Variants in PRKN observed in about 807,000 individuals in gnomAD.
PRKN encodes parkin RBR E3 ubiquitin protein ligase, also known as E3 ubiquitin-protein ligase parkin.
Under a neutral mutation model 59.5 loss-of-function variants are expected in PRKN, and 56 were observed. The observed-to-expected ratio is 0.94, with a 90% CI of 0.76 to 1.18. The LOEUF (loss-of-function observed/expected upper bound fraction) is 1.18. Ranked by LOEUF, PRKN falls within the 50% of genes most tolerant of loss-of-function variation. PRKN has a pLI of 0.00. For missense variants in PRKN, 657 were observed against 596.4 expected, an observed-to-expected ratio of 1.10 and a Z score of -1.06; for synonymous variants, 250 against 222.1, an observed-to-expected ratio of 1.13 and a Z score of -1.12.
At chr6:161,687,124 T>C (rs1372924122) in intron 7 of PRKN, among the ~76,000 whole-genome samples, 1 of 152,076 alleles carries the variant, frequency 6.6e-6, no homozygotes, top group Non-Finnish European at 1.5e-5. Flanking sequence ...CGGTGGCTCA[T>C]GCCTGTAATC....
At chr6:162,530,395 G>A (rs1051268042) in intron 1 of PRKN, among the ~76,000 whole-genome samples, 3 of 152,112 alleles carry the variant, frequency 2.0e-5, no homozygotes, top group Non-Finnish European at 2.9e-5. Context: ...AGAAGTCAAA[G>A]CCACATTGAA....
chr6:162,560,215 A>T (rs1406316138), intron 1 of PRKN, among the ~76,000 whole-genome samples: 1 of 152,218 alleles, frequency 6.6e-6, no homozygotes, highest in African/African-American at 2.4e-5. Context: ...AACTATTTGC[A>T]TATAAGTGCA....
intron 6 of PRKN, among the ~76,000 whole-genome samples, chr6:161,839,917 G>A (rs1184629643): frequency 6.6e-6 from 1 of 152,222 alleles, no homozygotes; most frequent in Non-Finnish European, 1.5e-5. Flanking sequence ...AATATTTCAA[G>A]CTCTGGCATC....
At chr6:161,936,949 C>A (rs1779382111) in intron 6 of PRKN, among the ~76,000 whole-genome samples, 1 of 152,020 alleles carries the variant, frequency 6.6e-6, no homozygotes, top group Admixed American at 6.6e-5. Flanking sequence ...TCATGCCCAG[C>A]TAATTTTTGT....
intron 5 of PRKN, among the ~76,000 whole-genome samples, chr6:161,991,032 T>A (rs1419388319): frequency 6.6e-6 from 1 of 151,946 alleles, no homozygotes; most frequent in Non-Finnish European, 1.5e-5. Flanking sequence ...TATAAAGCTA[T>A]CCCCATCAGA....
At chr6:162,090,459 C>A (rs1779440065) in intron 4 of PRKN, among the ~76,000 whole-genome samples, 1 of 152,158 alleles carries the variant, frequency 6.6e-6, no homozygotes, top group South Asian at 2.1e-4. Context: ...AATAACATTA[C>A]TGAAGAGGTC....
intron 2 of PRKN, among the ~76,000 whole-genome samples, chr6:162,290,004 A>G (rs1287143856): frequency 6.6e-6 from 1 of 152,198 alleles, no homozygotes; most frequent in Non-Finnish European, 1.5e-5. Context: ...CTTGTGAGAA[A>G]GTTGAAAAAT....
intron 6 of PRKN, among the ~76,000 whole-genome samples, chr6:161,909,805 T>C (rs190518502): frequency 8.9e-4 from 135 of 152,308 alleles, no homozygotes; most frequent in Admixed American, 1.7e-3. Flanking sequence ...GATAAGTGAA[T>C]GAATGGATGA....
intron 7 of PRKN, among the ~76,000 whole-genome samples, chr6:161,632,322 A>C (rs577286589): frequency 1.3e-5 from 2 of 152,274 alleles, no homozygotes; most frequent in African/African-American, 2.4e-5. Context: ...GAGAAAAAAA[A>C]CCCCATAAAT....
intron 4 of PRKN, among the ~76,000 whole-genome samples, chr6:162,164,527 T>C (rs999209607): frequency 6.7e-6 from 1 of 148,904 alleles, no homozygotes; most frequent in Non-Finnish European, 1.5e-5. Flanking sequence ...TGTGGACTTT[T>C]TGTGTGTAGA....
intron 1 of PRKN, among the ~76,000 whole-genome samples, chr6:162,711,727 T>A (rs190887607): frequency 1.5e-3 from 223 of 152,232 alleles, no homozygotes; most frequent in Middle Eastern, 3.4e-3. Context: ...CAAACTAGAG[T>A]GGCCTGTGCT....
intron 7 of PRKN, among the ~76,000 whole-genome samples, chr6:161,664,784 T>A (rs560637109): frequency 2.2e-5 from 3 of 134,224 alleles, no homozygotes; most frequent in African/African-American, 8.4e-5. Flanking sequence ...AAACAACAAC[T>A]GACTTTTTCT....
At chr6:162,479,840 G>A (rs1792207496) in intron 1 of PRKN, among the ~76,000 whole-genome samples, 1 of 151,884 alleles carries the variant, frequency 6.6e-6, no homozygotes, top group Non-Finnish European at 1.5e-5. Context: ...GTCGAGGCAG[G>A]CAGATCACGA....
At position 161,684,909 on chromosome 6, in the gene PRKN, C is replaced by T. The variant is rs1785498470; in HGVS notation, c.871+100863G>A. Reference sequence around the variant, plus strand: ...GCCATGCATCTCTTACACCACATCTCCATCTATTTCATCAGCAGTTGTGTT... The same window carrying T: ...GCCATGCATCTCTTACACCACATCTTCATCTATTTCATCAGCAGTTGTGTT... On this transcript the variant is annotated intron_variant, in intron 7 of 11. Coordinates refer to ENST00000366898, the MANE Select transcript of PRKN (RefSeq NM_004562.3). 3.3e-5 allele frequency among the ~76,000 whole-genome samples: 5 copies of T among 152,114 alleles called. No homozygotes were observed. In the South Asian group the frequency reaches 1.0e-3, roughly 31 times the overall value.
chr6:162,561,968 C>A (rs1779862417), intron 1 of PRKN, among the ~76,000 whole-genome samples: 1 of 152,142 alleles, frequency 6.6e-6, no homozygotes, highest in African/African-American at 2.4e-5. Context: ...CTGGGACAGA[C>A]AAGGGAGTGC....
In PRKN at chr6:162,180,847, C is replaced by T. The variant is rs367704326; in HGVS notation, c.534+20284G>A. ...TCCCTCCTGTATCTCAATGACTGGG[C>T]ACACAAATGCATCCCCATATATTAA... On this transcript the variant is annotated intron_variant, in intron 4 of 11. Coordinates refer to ENST00000366898, the MANE Select transcript of PRKN (RefSeq NM_004562.3). Among the ~76,000 whole-genome samples, 6 of 152,268 alleles carry T rather than the reference C, an allele frequency of 3.9e-5. 1 individual carries two copies. Among genetic ancestry groups the T allele is most frequent in the African/African-American group, 1.4e-4 (6 of 41,542 alleles).
intron 1 of PRKN, among the ~76,000 whole-genome samples, chr6:162,505,056 T>C (rs920281956): frequency 1.2e-4 from 19 of 152,228 alleles, no homozygotes; most frequent in African/African-American, 3.9e-4. Flanking sequence ...GAGAGGAAAA[T>C]GCAGAGCAAT....
chr6:162,546,174 G>A (rs902136641), intron 1 of PRKN, among the ~76,000 whole-genome samples: 5 of 141,006 alleles, frequency 3.5e-5, no homozygotes, highest in African/African-American at 1.4e-4. Context: ...CGTGATCTCA[G>A]CTCACTGCAA....
chr6:161,988,340 T>A (rs929401528), intron 5 of PRKN, among the ~76,000 whole-genome samples: 1 of 151,696 alleles, frequency 6.6e-6, no homozygotes, highest in Non-Finnish European at 1.5e-5. Flanking sequence ...TACAAAAAAT[T>A]AGCTGGGTGT....
Sources: allele counts gnomAD v4.1 joint callset (sites outside exome capture counted in the v4.1 genomes callset), GRCh38; gene constraint gnomAD v4.1.1; transcripts MANE v1.5; gene names NCBI Gene and HGNC (gene_info 2026-07-23, HGNC 2026-07-21).